The following PDK1 variants were observed in gnomAD, a reference collection of about 807,000 sequenced individuals.
PDK1 encodes the protein pyruvate dehydrogenase kinase 1.
Under a neutral mutation model 54.2 loss-of-function variants are expected in PDK1, and 39 were observed. The ratio of observed to expected loss-of-function variants is 0.72; its 90% confidence interval spans 0.56 to 0.94. PDK1 has a LOEUF of 0.94. PDK1 is among the 40% of genes least tolerant of loss of function. The pLI is 0.00. For synonymous variants in PDK1, 221 were observed against 207.1 expected (o/e 1.07, Z -0.58); for missense variants, 552 against 566.0 (o/e 0.98, Z 0.25).
chr2:172,637,992 G>C, the PDK1 span, among the ~76,000 whole-genome samples: 1 of 152,102 alleles, frequency 6.6e-6, no homozygotes, highest in Non-Finnish European at 1.5e-5. Context: ...ACTGCACCCA[G>C]CCTGCATTTA....
At chr2:172,591,411 A>G (rs1217950724) in intron 9 of PDK1, among the ~76,000 whole-genome samples, 2 of 152,212 alleles carry the variant, frequency 1.3e-5, no homozygotes, top group Non-Finnish European at 2.9e-5. Context: ...AGAGTCCTCC[A>G]TTCTCAGCAG....
chr2:172,570,578 A>C (rs1445465830), intron 7 of PDK1, 148 bp from the exon 8 acceptor site: 1 of 488,422 alleles, frequency 2.0e-6, no homozygotes, highest in Admixed American at 3.8e-5. Flanking sequence ...CCATTAAAAA[A>C]AAAACTTTAA....
the PDK1 span, among the ~76,000 whole-genome samples, chr2:172,645,958 A>G: frequency 6.6e-6 from 1 of 152,244 alleles, no homozygotes; most frequent in Non-Finnish European, 1.5e-5. Context: ...GAGTCAGGCT[A>G]CTGTGGGTAA....
rs1387987283 is a variant in PDK1, at chr2:172,602,540, A to G, written c.*6571A>G. The stretch of plus-strand genomic sequence containing the variant: ...TGGAATTGTCTATGAGGTTGGATCC[A>G]TGGGCCTGCCATGGAAAATTTGTTG... On this transcript the variant is annotated 3_prime_UTR_variant, in exon 11 of 11. Coordinates refer to ENST00000282077, the MANE Select transcript of PDK1 (RefSeq NM_002610.5). 6.6e-6 allele frequency: 1 copy of G among 152,194 alleles called. No homozygotes were observed. Among genetic ancestry groups the G allele is most frequent in the East Asian group, 1.9e-4 (1 of 5,190 alleles). 9.4% of individuals were successfully genotyped at this position (152,194 alleles called of 1,614,324 possible).
At chr2:172,716,548 C>A in the PDK1 span, among the ~76,000 whole-genome samples, 6 of 152,092 alleles carry the variant, frequency 3.9e-5, no homozygotes, top group Non-Finnish European at 7.4e-5. Context: ...TGGTCTCAAA[C>A]TCCTGACCTC....
intron 2 of PDK1, among the ~76,000 whole-genome samples, chr2:172,560,597 CAGAATGATGAAATATATGAAA>C (rs1407375568): frequency 6.6e-6 from 1 of 152,100 alleles, no homozygotes; most frequent in Admixed American, 6.5e-5. Context: ...GTGCTATAGT[CAGAATGATGAAATATATGAAA>C]GGATATATGT....
chr2:172,582,522 G>T (rs1372286922), intron 8 of PDK1, among the ~76,000 whole-genome samples: 1 of 152,128 alleles, frequency 6.6e-6, no homozygotes, highest in Admixed American at 6.5e-5. Flanking sequence ...AAAATAATTG[G>T]CAAACTTCTC....
chr2:172,640,147 GA>G, the PDK1 span, among the ~76,000 whole-genome samples: 26 of 152,318 alleles, frequency 1.7e-4, no homozygotes, highest in African/African-American at 6.3e-4. Context: ...CTACTGCCAG[GA>G]AATTTTTTTT....
At chr2:172,619,786 C>G in the PDK1 span, among the ~76,000 whole-genome samples, 1 of 152,120 alleles carries the variant, frequency 6.6e-6, no homozygotes, top group African/African-American at 2.4e-5. Context: ...GGAAGAGTCT[C>G]AGTTTCATTT....
chr2:172,628,348 T>C, the PDK1 span, among the ~76,000 whole-genome samples: 3 of 152,232 alleles, frequency 2.0e-5, no homozygotes, highest in African/African-American at 7.2e-5. Flanking sequence ...GGTGCCGGGC[T>C]AATAGAACCC....
intron 8 of PDK1, among the ~76,000 whole-genome samples, chr2:172,583,262 G>A (rs959158004): frequency 3.0e-5 from 4 of 134,356 alleles, no homozygotes; most frequent in Non-Finnish European, 3.1e-5. Context: ...CAAGCATAAT[G>A]CTGCATAAAA....
downstream of PDK1, among the ~76,000 whole-genome samples, chr2:172,612,289 T>G (rs1315730253): frequency 1.3e-5 from 2 of 152,230 alleles, no homozygotes; most frequent in African/African-American, 4.8e-5. Context: ...GCTGAAACTC[T>G]TAAGAGCAAT....
rs1688837373 is a variant in PDK1 at position 172,564,657 on chromosome 2, A to C, written c.565A>C (p.Ile189Leu). 6.2e-7 allele frequency: 1 copy of C among 1,614,014 alleles called. No homozygotes were observed. The highest frequency in any genetic ancestry group is 8.5e-7 in the Non-Finnish European group (1 of 1,179,996). ...TTTGGATCGATTCTACATGAGTCGC[A>C]TTTCAATTAGAATGTTACTCAATCA... ...YFLDRFYMSR[I>L]SIRMLLNQHS... The change falls in exon 4 of 11, where the codon ATT becomes CTT. Residue 189 changes from isoleucine to leucine, a missense_variant. Transcript: ENST00000282077.
intron 1 of PDK1, among the ~76,000 whole-genome samples, chr2:172,557,483 T>A (rs763277641): frequency 2.8e-4 from 43 of 151,774 alleles, no homozygotes; most frequent in Non-Finnish European, 5.3e-4. Flanking sequence ...GATATGGGAG[T>A]GTAGAGGGGT....
the PDK1 span, among the ~76,000 whole-genome samples, chr2:172,681,833 A>G: frequency 2.6e-5 from 4 of 152,116 alleles, no homozygotes; most frequent in African/African-American, 9.7e-5. Flanking sequence ...ATCTCTGCTC[A>G]CTGCAACTTC....
chr2:172,581,089 A>G (rs546248586), intron 8 of PDK1, among the ~76,000 whole-genome samples: 3 of 152,314 alleles, frequency 2.0e-5, no homozygotes, highest in African/African-American at 4.8e-5. Flanking sequence ...TATATGGTAT[A>G]TAAATTATTT....
At chr2:172,594,003 C>T (rs1485300004) in intron 10 of PDK1, among the ~76,000 whole-genome samples, 2 of 149,250 alleles carry the variant, frequency 1.3e-5, no homozygotes, top group African/African-American at 4.9e-5. Flanking sequence ...ATGTCAATTG[C>T]GAGGGAAAAG....
the PDK1 span, among the ~76,000 whole-genome samples, chr2:172,704,266 G>T: frequency 0.19 from 28,737 of 152,028 alleles, 3,304 homozygotes; most frequent in African/African-American, 0.32. Flanking sequence ...GCGAAGTGGT[G>T]TCTCCTTCCC....
At chr2:172,621,653 T>C in the PDK1 span, among the ~76,000 whole-genome samples, 1 of 148,166 alleles carries the variant, frequency 6.7e-6, no homozygotes, top group Non-Finnish European at 1.5e-5. Context: ...ATCATATATG[T>C]TTATCATATA....
Sources: gnomAD v4.1 joint callset for allele counts (sites outside exome capture counted in the v4.1 genomes callset) on GRCh38, gnomAD v4.1.1 for gene constraint, MANE v1.5 for transcripts, NCBI Gene and HGNC (gene_info 2026-07-23, HGNC 2026-07-21) for gene names.